The following GALNT11 variants were observed in gnomAD, a reference collection of about 807,000 sequenced individuals.
GALNT11 encodes UDP-GalNAc:polypeptide N-acetylgalactosaminyltransferase 11.
A neutral mutation model predicts 72.7 loss-of-function variants in GALNT11; 47 were observed. That is an observed-to-expected ratio of 0.65 (90% CI 0.51 to 0.82). The LOEUF is 0.82. Ranked by LOEUF, GALNT11 falls within the 40% of genes least tolerant of loss-of-function variation. The pLI is 0.00. For missense variants in GALNT11, 677 were observed against 778.4 expected (o/e 0.87, Z 1.55); for synonymous variants, 270 against 286.6 (o/e 0.94, Z 0.58).
At chr7:152,032,137 G>A (rs1213414026) in intron 1 of GALNT11, among the ~76,000 whole-genome samples, 1 of 152,184 alleles carries the variant, frequency 6.6e-6, no homozygotes, top group East Asian at 1.9e-4. Flanking sequence ...CTTCCGAACT[G>A]GTAGCCAAAA....
intron 6 of GALNT11, among the ~76,000 whole-genome samples, chr7:152,109,339 C>T (rs1320776888): frequency 6.6e-6 from 1 of 152,182 alleles, no homozygotes. Context: ...AGGCATCATT[C>T]AAGAACCTTC....
intron 1 of GALNT11, among the ~76,000 whole-genome samples, chr7:152,086,750 A>G (rs920191433): frequency 1.3e-5 from 2 of 152,114 alleles, no homozygotes; most frequent in African/African-American, 4.8e-5. Flanking sequence ...TTTTTTGTTT[A>G]TTTGTTGTTG....
At chr7:152,028,179 T>C (rs1358679320) in intron 1 of GALNT11, among the ~76,000 whole-genome samples, 2 of 152,230 alleles carry the variant, frequency 1.3e-5, no homozygotes, top group Non-Finnish European at 2.9e-5. Context: ...AGGTTGCCGC[T>C]GCTGGCTCCA....
intron 7 of GALNT11, among the ~76,000 whole-genome samples, chr7:152,112,837 AAGTACC>A (rs1416581171): frequency 1.3e-5 from 2 of 152,116 alleles, no homozygotes; most frequent in Non-Finnish European, 2.9e-5. Context: ...TTGTATAAGC[AAGTACC>A]TGTGAAACTA....
chr7:152,087,910 T>C (rs2085755983), intron 1 of GALNT11, among the ~76,000 whole-genome samples: 1 of 152,216 alleles, frequency 6.6e-6, no homozygotes, highest in Non-Finnish European at 1.5e-5. Flanking sequence ...GCTAAGAAAA[T>C]CTGCTAATTT....
chr7:152,101,363 T>C (rs1400153015), intron 3 of GALNT11, among the ~76,000 whole-genome samples: 1 of 152,144 alleles, frequency 6.6e-6, no homozygotes, highest in Non-Finnish European at 1.5e-5. Flanking sequence ...ACCTTCTGTT[T>C]GCTACACGCC....
chr7:152,118,720 C>A lies in GALNT11; in HGVS notation c.1495C>A (p.Arg499Ser), dbSNP rs780011762. The change falls in exon 10 of 12, where the codon CGC becomes AGC. Residue 499 changes from arginine (R) to serine (S), a missense_variant. Transcript: ENST00000430044. The stretch of plus-strand genomic sequence containing the variant: ...CAACAAATGCCTGGTGGCCCAGGGC[C>A]GCCCAAGTCAGAAGGGAGGTCTCGT... ...QTNKCLVAQG[R>S]PSQKGGLVVL... 1.9e-6 allele frequency: 3 copies of A among 1,611,658 alleles called. No individual in the cohort carries two copies. The South Asian group carries it at 3.3e-5, about 18-fold the overall frequency.
chr7:152,110,956 A>G (rs946525315), intron 7 of GALNT11, among the ~76,000 whole-genome samples: 1 of 152,032 alleles, frequency 6.6e-6, no homozygotes, highest in Non-Finnish European at 1.5e-5. Context: ...TCTTGGGCTC[A>G]AGTGATCCTC....
chr7:152,117,497 C>A, intron 9 of GALNT11, 122 bp downstream of exon 9: 2 of 944,698 alleles, frequency 2.1e-6, no homozygotes, highest in Non-Finnish European at 3.2e-6. Context: ...CAGGCTTCAG[C>A]TTGCCTTTCA....
At chr7:152,114,048 GC>G (rs1267769084) in intron 8 of GALNT11, among the ~76,000 whole-genome samples, 1 of 151,928 alleles carries the variant, frequency 6.6e-6, no homozygotes. Flanking sequence ...ACGTGTGTGA[GC>G]CACTGTGCCA....
At chr7:152,027,205 C>T (rs1479212269) in intron 1 of GALNT11, among the ~76,000 whole-genome samples, 4 of 152,266 alleles carry the variant, frequency 2.6e-5, no homozygotes, top group African/African-American at 7.2e-5. Context: ...GCCGAGATCA[C>T]GCCACTGCAC....
At position 152,038,489 on chromosome 7, in the gene GALNT11, C is replaced by T. The variant is rs140446204; in HGVS notation, c.-39+12605C>T. On this transcript the variant is annotated intron_variant, in intron 1 of 11. Transcript: ENST00000430044. The stretch of plus-strand genomic sequence containing the variant: ...GGTCAGGTGTTCCTTGCCCTCATTC[C>T]GGTAAACCGACAACCTTCCAGCATT... Among the ~76,000 whole-genome samples the T allele has an allele frequency of 2.1e-4, 32 of 152,304 alleles. No homozygotes were observed. In the South Asian group the frequency reaches 5.8e-3, roughly 28 times the overall value.
rs780491140 is a variant in GALNT11, at chr7:152,064,092, C to CT, written c.-38-30097dup. On this transcript the variant is annotated intron_variant, in intron 1 of 11. Coordinates refer to ENST00000430044, the MANE Select transcript of GALNT11 (RefSeq NM_022087.4). ...TCTGCCATTATTATTGTGTGGGAGTCTAAGTCTCTTTGTAGGTCTCTAAGG... is the reference window on the plus strand; with the variant it reads ...TCTGCCATTATTATTGTGTGGGAGTCTTAAGTCTCTTTGTAGGTCTCTAAGG... 3.9e-5 allele frequency among the ~76,000 whole-genome samples: 6 copies of CT among 152,296 alleles called. No individual in the cohort carries two copies. The South Asian group carries it at 6.2e-4, about 16-fold the overall frequency.
chr7:152,034,238 A>G (rs1317842459), intron 1 of GALNT11, among the ~76,000 whole-genome samples: 3 of 152,134 alleles, frequency 2.0e-5, no homozygotes, highest in African/African-American at 7.2e-5. Context: ...GGAGGATAGG[A>G]TATGGGGGTA....
intron 1 of GALNT11, among the ~76,000 whole-genome samples, chr7:152,063,413 C>G (rs1447528407): frequency 1.3e-5 from 2 of 152,154 alleles, no homozygotes; most frequent in Non-Finnish European, 2.9e-5. Context: ...AAAAAACCAG[C>G]TCCTGGATTC....
chr7:152,110,601 G>A lies in GALNT11; in HGVS notation c.1036G>A (p.Gly346Ser). ...YFHELGQYDS[G>S]MDIWGGENLE... Reference sequence around the variant, plus strand: ...CCATGAACTTGGACAGTATGATAGTGGCATGGATATCTGGGGAGGAGAAAA... The same window carrying A: ...CCATGAACTTGGACAGTATGATAGTAGCATGGATATCTGGGGAGGAGAAAA... The change falls in exon 7 of 12, where the codon GGC becomes AGC. Residue 346 changes from glycine to serine, a missense_variant. Physicochemically the swap from Gly to Ser is moderately conservative, Grantham distance 56. Transcript: ENST00000430044. 1 of 1,612,024 alleles carries A rather than the reference G, an allele frequency of 6.2e-7. No homozygotes were observed. Among genetic ancestry groups the A allele is most frequent in the Non-Finnish European group, 8.5e-7 (1 of 1,179,598 alleles).
intron 1 of GALNT11, among the ~76,000 whole-genome samples, chr7:152,089,716 CTATGCACCT>C (rs1380678428): frequency 6.6e-6 from 1 of 152,178 alleles, no homozygotes; most frequent in Non-Finnish European, 1.5e-5. Context: ...ATAGAATGTA[CTATGCACCT>C]GTGAGCATGT....
rs2086806259 is a variant in GALNT11, at chr7:152,100,690, T to C, written c.296-108T>C. 4 of 1,342,932 alleles carry C rather than the reference T, an allele frequency of 3.0e-6. No homozygotes were observed. In the South Asian group the frequency reaches 4.1e-5, roughly 14 times the overall value. The allele number at this position is 1,342,932 out of a possible 1,614,324, so 83.2% of individuals were successfully genotyped here. ...CAACCTAAGTTTGAGAAAAGAGATA[T>C]TAGATTATAATAGGATAAAGTCAGC... On this transcript the variant is annotated intron_variant, in intron 2 of 11. Transcript: ENST00000430044.
intron 1 of GALNT11, among the ~76,000 whole-genome samples, chr7:152,066,675 T>C (rs1286677284): frequency 1.3e-5 from 2 of 152,196 alleles, no homozygotes; most frequent in Non-Finnish European, 2.9e-5. Context: ...GGTTATTAAT[T>C]GTCTGGATTT....
Sources: allele counts gnomAD v4.1 joint callset (sites outside exome capture counted in the v4.1 genomes callset), GRCh38; gene constraint gnomAD v4.1.1; transcripts MANE v1.5; gene names NCBI Gene and HGNC (gene_info 2026-07-23, HGNC 2026-07-21).